Variants in TSEN54 observed in about 807,000 individuals in gnomAD.
TSEN54 encodes tRNA-splicing endonuclease subunit Sen54.
A neutral mutation model predicts 61.9 loss-of-function variants in TSEN54; 55 were observed. The ratio of observed to expected loss-of-function variants is 0.89; its 90% CI spans 0.72 to 1.11. The LOEUF (loss-of-function observed/expected upper bound fraction) is 1.11, where lower values mean the gene tolerates loss of function less well. Ranked by LOEUF, TSEN54 falls within the 50% of genes most tolerant of loss-of-function variation. TSEN54 has a pLI of 0.00. For missense variants in TSEN54, 760 were observed against 687.7 expected (o/e 1.11, Z -1.18); for synonymous variants, 304 against 288.7 (o/e 1.05, Z -0.54).
In TSEN54 at chr17:75,524,665, T is replaced by A; in HGVS notation, c.*253T>A. ...CAGGAGGTGGGGCAGAAGAGAGGAC[T>A]GTGTGCCTTTAACGAGAGGGTGCCT... On this transcript the variant is annotated 3_prime_UTR_variant, in exon 11 of 11. Coordinates refer to ENST00000333213, the MANE Select transcript of TSEN54 (RefSeq NM_207346.3). 1.7e-6 allele frequency: 1 copy of A among 590,816 alleles called. No homozygotes were observed. Among genetic ancestry groups the A allele is most frequent in the Non-Finnish European group, 3.0e-6 (1 of 328,256 alleles). 36.6% of individuals were successfully genotyped at this position (590,816 alleles called of 1,614,324 possible).
At position 75,522,058 on chromosome 17, in the gene TSEN54, A is replaced by C. The variant is rs745690536; in HGVS notation, c.977A>C (p.Asn326Thr). Reference protein sequence around the residue: ...RAPAPELLPANVAGRETDAES... With the variant: ...RAPAPELLPATVAGRETDAES... The stretch of plus-strand genomic sequence containing the variant: ...CCAGCCCCAGAGCTGCTCCCGGCCA[A>C]CGTGGCTGGGCGGGAGACAGACGCT... The change falls in exon 8 of 11, where the codon AAC (asparagine) becomes ACC (threonine). Residue 326 changes from asparagine to threonine, a missense_variant. Asn to Thr is a moderately conservative substitution (Grantham distance 65). Around this residue, in one of 3 missense-constraint regions of TSEN54, gnomAD observed 667 missense variants for 577.8 expected, o/e 1.15. Coordinates refer to ENST00000333213, the MANE Select transcript of TSEN54 (RefSeq NM_207346.3). The C allele has an allele frequency of 6.3e-7, 1 of 1,589,504 alleles. No homozygotes were observed.
Position 75,518,656 on chromosome 17 carries a change from C to T in TSEN54, c.469-339C>T, listed in dbSNP as rs2053397966. The stretch of plus-strand genomic sequence containing the variant: ...CCACCACCTGCCATCATTTTGTTCA[C>T]ATGGTGATCGGCAGCTTCACTCCTA... On this transcript the variant is annotated intron_variant, in intron 5 of 10. Coordinates refer to ENST00000333213, the MANE Select transcript of TSEN54 (RefSeq NM_207346.3). The T allele has an allele frequency of 7.1e-6, 7 of 985,306 alleles. No homozygotes were observed. In the South Asian group the frequency reaches 1.4e-4, roughly 20 times the overall value. The allele number at this position is 985,306 out of a possible 1,614,324, so 61.0% of individuals were successfully genotyped here.
intron 8 of TSEN54, 90 bp downstream of exon 8, chr17:75,522,423 T>C (rs780536339): frequency 2.0e-6 from 3 of 1,531,724 alleles, no homozygotes; most frequent in Non-Finnish European, 2.6e-6. Context: ...CTGGGATGGA[T>C]TGAGGCTTAA....
At chr17:75,516,679 G>A in intron 1 of TSEN54, 63 bp downstream of exon 1, 1 of 1,238,478 alleles carries the variant, frequency 8.1e-7, no homozygotes, top group South Asian at 2.4e-5. Flanking sequence ...TAGGGAAACC[G>A]GCGCCCGGGA....
In TSEN54 at chr17:75,516,554, C is replaced by A; in HGVS notation, c.-7C>A. 8.9e-7 allele frequency: 1 copy of A among 1,122,470 alleles called. No homozygotes were observed. The highest frequency in any genetic ancestry group is 1.1e-6 in the Non-Finnish European group (1 of 919,704). The allele number at this position is 1,122,470 out of a possible 1,614,324, so 69.5% of individuals were successfully genotyped here. On this transcript the variant is annotated 5_prime_UTR_variant, in exon 1 of 11. Coordinates refer to ENST00000333213, the MANE Select transcript of TSEN54 (RefSeq NM_207346.3). ...TGGCGGCGCGCGCAGCGGCAGGCGG[C>A]GGCGGGATGGAGCCCGAGCCCGAGC... is the stretch of plus-strand genomic sequence containing the variant.
intron 6 of TSEN54, among the ~76,000 whole-genome samples, chr17:75,520,874 T>C (rs2053420167): frequency 1.3e-5 from 2 of 150,792 alleles, no homozygotes; most frequent in Non-Finnish European, 2.9e-5. Flanking sequence ...GAGAATCGCT[T>C]GAACCCAGGA....
rs745690536 is a variant in TSEN54, at chr17:75,522,058, A to G, written c.977A>G (p.Asn326Ser). The stretch of plus-strand genomic sequence containing the variant: ...CCAGCCCCAGAGCTGCTCCCGGCCA[A>G]CGTGGCTGGGCGGGAGACAGACGCT... ...RAPAPELLPANVAGRETDAES... is the reference protein window; with the variant it reads ...RAPAPELLPASVAGRETDAES... The change falls in exon 8 of 11, where the codon AAC becomes AGC. Residue 326 changes from asparagine to serine, a missense_variant. Around this residue, in one of 3 missense-constraint regions of TSEN54, gnomAD observed 667 missense variants for 577.8 expected, o/e 1.15. Coordinates refer to ENST00000333213, the MANE Select transcript of TSEN54 (RefSeq NM_207346.3). 8 of 1,589,504 alleles carry G rather than the reference A, an allele frequency of 5.0e-6. No individual in the cohort carries two copies. The highest frequency in any genetic ancestry group is 6.8e-6 in the Non-Finnish European group (8 of 1,168,486).
chr17:75,518,165 A>C (rs1310321902), intron 5 of TSEN54, among the ~76,000 whole-genome samples: 1 of 152,122 alleles, frequency 6.6e-6, no homozygotes, highest in Non-Finnish European at 1.5e-5. Flanking sequence ...CAGATAAGTT[A>C]ATTTTGAGGA....
chr17:75,521,273 T>A, intron 6 of TSEN54, 136 bp from the exon 7 acceptor site: 1 of 765,172 alleles, frequency 1.3e-6, no homozygotes. Flanking sequence ...GGGGGTCTGC[T>A]TAGGGCCTTA....
Position 75,519,024 on chromosome 17 carries a change from T to A in TSEN54, c.498T>A (p.Tyr166Ter). ...TCAGCCACCTGAAGAGGTTGGGTTA[T>A]GTGGTTCGACGATTCCAACCAAGGT... ...QVFSHLKRLG[Y>*]VVRRFQPSSV... The change falls in exon 6 of 11, where the codon TAT becomes TAA. Residue 166 changes from tyrosine to a stop codon, truncating the protein, a stop_gained. Transcript: ENST00000333213. LOFTEE classifies it high-confidence loss of function. 6.2e-7 allele frequency: 1 copy of A among 1,614,074 alleles called. No homozygotes were observed. Among genetic ancestry groups the A allele is most frequent in the Non-Finnish European group, 8.5e-7 (1 of 1,180,006 alleles).
At position 75,522,208 on chromosome 17, in the gene TSEN54, C is replaced by T; in HGVS notation, c.1127C>T (p.Ser376Phe). 2 of 1,547,954 alleles carry T rather than the reference C, an allele frequency of 1.3e-6. No individual in the cohort carries two copies. Among genetic ancestry groups the T allele is most frequent in the Non-Finnish European group, 1.7e-6 (2 of 1,144,432 alleles). ...GCCGATCCCGAGGTGCAGCGGTGCT[C>T]CAGCTGGCGGGAGTACAAGGAGCTG... is the stretch of plus-strand genomic sequence containing the variant. ...VNADPEVQRC[S>F]SWREYKELLQ... Residue 376 changes from serine (S) to phenylalanine (F), a missense_variant, in exon 8 of 11, where the codon TCC becomes TTC. Physicochemically the swap from Ser to Phe is radical, Grantham distance 155 (BLOSUM62 -2). This residue lies in a region of TSEN54 where 667 missense variants were observed against 577.8 expected (regional missense o/e 1.15). Transcript: ENST00000333213.
intron 10 of TSEN54, among the ~76,000 whole-genome samples, 198 bp from the exon 11 acceptor site, chr17:75,524,064 G>A (rs182567823): frequency 6.6e-6 from 1 of 152,184 alleles, no homozygotes; most frequent in East Asian, 1.9e-4. Context: ...GCTAAGAGTG[G>A]TGAGCACCTT....
In TSEN54 at chr17:75,524,460, G is replaced by A; in HGVS notation, c.*48G>A. The A allele has an allele frequency of 6.2e-7, 1 of 1,611,960 alleles. No homozygotes were observed. Among genetic ancestry groups the A allele is most frequent in the Non-Finnish European group, 8.5e-7 (1 of 1,179,490 alleles). On this transcript the variant is annotated 3_prime_UTR_variant, in exon 11 of 11. Coordinates refer to ENST00000333213, the MANE Select transcript of TSEN54 (RefSeq NM_207346.3). ...GAGCTTGCTCCGGGGGACCGGGACT[G>A]TCTGTTCTCAGGGACCATCTCGGCT...
intron 5 of TSEN54, among the ~76,000 whole-genome samples, chr17:75,518,233 AGT>A (rs933151469): frequency 9.9e-5 from 15 of 152,176 alleles, no homozygotes; most frequent in Admixed American, 2.0e-4. Flanking sequence ...CCAAGTCTGG[AGT>A]GTGAGGAGAG....
At chr17:75,517,321 C>T in intron 4 of TSEN54, 77 bp downstream of exon 4, 1 of 1,493,448 alleles carries the variant, frequency 6.7e-7, no homozygotes, top group Non-Finnish European at 9.1e-7. Flanking sequence ...AGAAAAAGCA[C>T]ACACAACCCG....
At chr17:75,518,199 G>T (rs2053393443) in intron 5 of TSEN54, among the ~76,000 whole-genome samples, 1 of 152,212 alleles carries the variant, frequency 6.6e-6, no homozygotes. Flanking sequence ...CCAAGTGAGT[G>T]TAAAGCAGAC....
rs1598473503 is a variant in TSEN54, at chr17:75,516,872, G to A, written c.183G>A (p.Glu61=). ...AGCGGCTGCGCCGGTGCCGGGAAGAGCTCTGGCAGCTGCTGGCAGAGCAGC... is the reference window on the plus strand; with the variant it reads ...AGCGGCTGCGCCGGTGCCGGGAAGAACTCTGGCAGCTGCTGGCAGAGCAGC... ...QAERLRRCRE[E]LWQLLAEQRV... is the part of the protein sequence containing the mutation. Residue 61 remains glutamate, a synonymous_variant, in exon 2 of 11, where the codon GAG becomes GAA. Transcript: ENST00000333213. 6.4e-7 allele frequency: 1 copy of A among 1,561,260 alleles called. No individual in the cohort carries two copies. Among genetic ancestry groups the A allele is most frequent in the South Asian group, 1.2e-5 (1 of 86,596 alleles).
In TSEN54 at chr17:75,521,430, G is replaced by A; in HGVS notation, c.543G>A (p.Glu181=). ...FQPSSVLSPY[E]RQLNLDASVQ... Reference sequence around the variant, plus strand: ...ACAGCTCTGTCCTGTCCCCGTATGAGAGGCAGCTTAACCTGGATGCCAGCG... The same window carrying A: ...ACAGCTCTGTCCTGTCCCCGTATGAAAGGCAGCTTAACCTGGATGCCAGCG... The change falls in exon 7 of 11, where the codon GAG becomes GAA. Residue 181 remains glutamate, a synonymous_variant. Coordinates refer to ENST00000333213, the MANE Select transcript of TSEN54 (RefSeq NM_207346.3). The A allele has an allele frequency of 6.2e-7, 1 of 1,614,120 alleles. No homozygotes were observed. The highest frequency in any genetic ancestry group is 1.1e-5 in the South Asian group (1 of 91,088).
At chr17:75,523,462 T>A (rs1349635811) in intron 9 of TSEN54, 127 bp downstream of exon 9, 9 of 1,600,930 alleles carry the variant, frequency 5.6e-6, no homozygotes, top group Non-Finnish European at 7.7e-6. Context: ...TACGCCTAGC[T>A]CTGAGCAATA....
Sources: gnomAD v4.1 joint callset for allele counts (sites outside exome capture counted in the v4.1 genomes callset) on GRCh38, gnomAD v4.1.1 for gene constraint, gnomAD v4.1.1 regional missense constraint, MANE v1.5 for transcripts, NCBI Gene and HGNC (gene_info 2026-07-23, HGNC 2026-07-21) for gene names.